Variants in CDADC1 observed in about 807,000 individuals in gnomAD.
CDADC1 encodes cytidine and dCMP deaminase domain containing 1.
CDADC1 carries 39 observed loss-of-function variants against 54.9 expected under a neutral mutation model. The observed-to-expected ratio is 0.71, with a 90% CI of 0.55 to 0.93. The LOEUF is 0.93. CDADC1 is among the 40% of genes least tolerant of loss of function. The pLI is 0.00. For missense variants in CDADC1, 518 were observed against 618.8 expected (o/e 0.84, Z 1.73); for synonymous variants, 186 against 204.0 (o/e 0.91, Z 0.75).
intron 6 of CDADC1, among the ~76,000 whole-genome samples, chr13:49,276,808 ACT>A (rs531889062): frequency 5.3e-4 from 81 of 152,120 alleles, no homozygotes; most frequent in African/African-American, 1.7e-3. Flanking sequence ...GAGGGTAGGG[ACT>A]CTCTGTCTTG....
chr13:49,274,273 A>C lies in CDADC1; in HGVS notation c.1001-18A>C. The stretch of plus-strand genomic sequence containing the variant: ...CATATCATAATTTTTACTGAGTTAA[A>C]TGCCATATATCTTTCAGAGGATCAT... On this transcript the variant is annotated intron_variant, in intron 5 of 9. Transcript: ENST00000251108. The C allele has an allele frequency of 6.3e-7, 1 of 1,591,056 alleles. No individual in the cohort carries two copies. The highest frequency in any genetic ancestry group is 8.6e-7 in the Non-Finnish European group (1 of 1,165,604).
chr13:49,266,057 C>A, intron 4 of CDADC1: 1 of 605,654 alleles, frequency 1.7e-6, no homozygotes, highest in Non-Finnish European at 2.5e-6. Context: ...GTCAGGAGTA[C>A]CAGGGAGTGG....
rs1953044898 is a variant in CDADC1, at chr13:49,274,360, T to C, written c.1050+20T>C. The C allele has an allele frequency of 6.3e-7, 1 of 1,589,838 alleles. No individual in the cohort carries two copies. Among genetic ancestry groups the C allele is most frequent in the African/African-American group, 1.3e-5 (1 of 74,496 alleles). On this transcript the variant is annotated intron_variant, in intron 6 of 9. Coordinates refer to ENST00000251108, the MANE Select transcript of CDADC1 (RefSeq NM_030911.4). Reference sequence around the variant, plus strand: ...AAATCTGTAAGTATGAAAACAATTCTTTAAATATTTAACCTGGATTTTGTT... The same window carrying C: ...AAATCTGTAAGTATGAAAACAATTCCTTAAATATTTAACCTGGATTTTGTT...
chr13:49,291,989 G>A lies in CDADC1; in HGVS notation c.*232G>A. ...TGTGTTATTTTATTACACGAAATGAGGGAGCAATAACTTCAACCAATGTAA... is the reference window on the plus strand; with the variant it reads ...TGTGTTATTTTATTACACGAAATGAAGGAGCAATAACTTCAACCAATGTAA... On this transcript the variant is annotated 3_prime_UTR_variant, in exon 10 of 10. Transcript: ENST00000251108. 2.4e-6 allele frequency: 3 copies of A among 1,257,702 alleles called. No homozygotes were observed. Among genetic ancestry groups the A allele is most frequent in the Non-Finnish European group, 3.0e-6 (3 of 996,806 alleles). The allele number at this position is 1,257,702 out of a possible 1,614,324, so 77.9% of individuals were successfully genotyped here. A position where few individuals can be genotyped will look rare whatever the true frequency, so the allele number is the denominator to read the frequency against.
intron 5 of CDADC1, among the ~76,000 whole-genome samples, chr13:49,271,397 T>G (rs1566366359): frequency 6.6e-6 from 1 of 152,220 alleles, no homozygotes; most frequent in Non-Finnish European, 1.5e-5. Flanking sequence ...CTAAGGATTA[T>G]GCCTTCCTCC....
At chr13:49,262,956 C>T (rs1243594323) in intron 4 of CDADC1, among the ~76,000 whole-genome samples, 1 of 152,144 alleles carries the variant, frequency 6.6e-6, no homozygotes, top group East Asian at 1.9e-4. Flanking sequence ...TAAAAAGTAT[C>T]AATTTTATTA....
chr13:49,261,394 T>A (rs1263527688), intron 4 of CDADC1, among the ~76,000 whole-genome samples: 5 of 152,180 alleles, frequency 3.3e-5, no homozygotes, highest in African/African-American at 1.2e-4. Flanking sequence ...GGTGGTGGCA[T>A]TTTTTTCACC....
At chr13:49,259,582 G>A in intron 4 of CDADC1, 59 bp downstream of exon 4, 2 of 1,520,130 alleles carry the variant, frequency 1.3e-6, no homozygotes, top group South Asian at 1.2e-5. Context: ...TGGGCGTGGT[G>A]GTTTATGCCT....
chr13:49,272,535 C>T (rs1330698983), intron 5 of CDADC1, among the ~76,000 whole-genome samples: 2 of 152,156 alleles, frequency 1.3e-5, no homozygotes, highest in African/African-American at 4.8e-5. Flanking sequence ...CTTCACCATC[C>T]AACTGTAAGT....
In CDADC1 at chr13:49,291,848, T is replaced by A; in HGVS notation, c.*91T>A. The stretch of plus-strand genomic sequence containing the variant: ...GTTCATTCAGAAAATAAGGATGGAT[T>A]TTGTGAATAATTGAAAAGATTTTTT... On this transcript the variant is annotated 3_prime_UTR_variant, in exon 10 of 10. Transcript: ENST00000251108. The A allele has an allele frequency of 1.3e-6, 2 of 1,504,192 alleles. No homozygotes were observed. Among genetic ancestry groups the A allele is most frequent in the Non-Finnish European group, 1.8e-6 (2 of 1,125,648 alleles). The allele number at this position is 1,504,192 out of a possible 1,614,324, so 93.2% of individuals were successfully genotyped here.
chr13:49,284,594 AC>A (rs1314592389), intron 8 of CDADC1, among the ~76,000 whole-genome samples: 1 of 152,146 alleles, frequency 6.6e-6, no homozygotes, highest in Non-Finnish European at 1.5e-5. Context: ...CTAATTTTAA[AC>A]ATTTTTTTGG....
At chr13:49,277,974 G>C (rs184843324) in intron 6 of CDADC1, among the ~76,000 whole-genome samples, 1 of 152,134 alleles carries the variant, frequency 6.6e-6, no homozygotes, top group Admixed American at 6.5e-5. Context: ...CAGAATACTC[G>C]AACATGTTGA....
rs759792512 is a variant in CDADC1 at position 49,282,236 on chromosome 13, G to GTTTTT, written c.1410+1553_1410+1557dup. 9.2e-3 allele frequency among the ~76,000 whole-genome samples: 868 copies of GTTTTT among 93,870 alleles called. 4 individuals are homozygous for GTTTTT. Among genetic ancestry groups the GTTTTT allele is most frequent in the East Asian group, 0.017 (47 of 2,822 alleles). The allele number at this position is 93,870 out of a possible 152,430, so 61.6% of individuals were successfully genotyped here. On this transcript the variant is annotated intron_variant, in intron 8 of 9. Transcript: ENST00000251108. ...ACTATTTGGGTTCTGGTTTTTGTGGGTTTTTTTTTTTTTTTTTTTGCTTTT... is the reference window on the plus strand; with the variant it reads ...ACTATTTGGGTTCTGGTTTTTGTGGGTTTTTTTTTTTTTTTTTTTTTTTTGCTTTT...
At chr13:49,248,741 T>A in intron 1 of CDADC1, 130 bp from the exon 2 acceptor site, 1 of 686,890 alleles carries the variant, frequency 1.5e-6, no homozygotes, top group Admixed American at 2.2e-5. Context: ...GACTCTCTTG[T>A]CCCCTATCTT....
Position 49,291,878 on chromosome 13 carries a change from A to G in CDADC1, c.*121A>G, listed in dbSNP as rs1266194913. The G allele has an allele frequency of 1.4e-6, 2 of 1,447,644 alleles. No homozygotes were observed. Among genetic ancestry groups the G allele is most frequent in the Non-Finnish European group, 1.8e-6 (2 of 1,098,872 alleles). 89.7% of individuals were successfully genotyped at this position (1,447,644 alleles called of 1,614,324 possible). On this transcript the variant is annotated 3_prime_UTR_variant, in exon 10 of 10. Transcript: ENST00000251108. ...GAATAATTGAAAAGATTTTTTAAGG[A>G]AGCTAATTTATTTCTAGGATACAAA...
chr13:49,249,775 C>T (rs1952383445), intron 2 of CDADC1, among the ~76,000 whole-genome samples: 1 of 152,046 alleles, frequency 6.6e-6, no homozygotes, highest in Non-Finnish European at 1.5e-5. Flanking sequence ...ATCATAAAAG[C>T]CAATATATTG....
chr13:49,290,145 T>A (rs1411166357), intron 9 of CDADC1, among the ~76,000 whole-genome samples: 1 of 151,626 alleles, frequency 6.6e-6, no homozygotes, highest in Non-Finnish European at 1.5e-5. Context: ...AACACAAAAA[T>A]CAAGATAGGA....
At chr13:49,288,573 T>G (rs1953594503) in intron 9 of CDADC1, among the ~76,000 whole-genome samples, 2 of 152,218 alleles carry the variant, frequency 1.3e-5, no homozygotes, top group Admixed American at 6.5e-5. Context: ...TCCTTTCCAA[T>G]TTTTGATTCA....
chr13:49,252,681 A>AT (rs1952462159), intron 2 of CDADC1, among the ~76,000 whole-genome samples: 1 of 152,192 alleles, frequency 6.6e-6, no homozygotes, highest in South Asian at 2.1e-4. Context: ...TAGCTGCAAC[A>AT]TTTTTAAAAA....
Sources: allele counts gnomAD v4.1 joint callset (sites outside exome capture counted in the v4.1 genomes callset), GRCh38; gene constraint gnomAD v4.1.1; transcripts MANE v1.5; gene names NCBI Gene and HGNC (gene_info 2026-07-23, HGNC 2026-07-21).